The following NALF2 variants were observed in gnomAD, a reference collection of about 807,000 sequenced individuals.
NALF2 encodes the protein NALCN channel auxiliary factor 2.
In NALF2, 1 loss-of-function variant was observed where a neutral mutation model predicts 24.8. That is an observed-to-expected ratio of 0.04 (90% confidence interval 0.01 to 0.19). The LOEUF (loss-of-function observed/expected upper bound fraction) is 0.19, where lower values mean the gene tolerates loss of function less well. Ranked by LOEUF, NALF2 falls within the 10% of genes least tolerant of loss-of-function variation. The probability of loss-of-function intolerance (pLI) is 1.00; values close to 1 mark genes in which losing one functional copy is unlikely to be tolerated. For missense variants in NALF2, 458 were observed against 409.6 expected (o/e 1.12, Z -1.02); for synonymous variants, 254 against 189.8 (o/e 1.34, Z -2.78).
rs746711309 is a variant in NALF2, at chrX:69,529,693, T to C, written c.1156T>C (p.Phe386Leu). ...GGCCCCCAAAACCCACCAGCAGCAA[T>C]TCCACCACTCCTATTTCCACCACTA... ...SEAPKTHQQQ[F>L]HHSYFHHYHQ... The change falls in exon 3 of 3, where the codon TTC becomes CTC. Residue 386 changes from phenylalanine (F) to leucine (L), a missense_variant. By Grantham distance (22) the Phe-to-Leu change is conservative. Transcript: ENST00000252338. 81 of 1,206,035 alleles carry C rather than the reference T, an allele frequency of 6.7e-5. No individual in the cohort carries two copies. The highest frequency in any genetic ancestry group is 8.7e-5 in the Non-Finnish European group (78 of 892,879).
rs147997913 is a variant in NALF2, at chrX:69,529,115, C to T, written c.984C>T (p.Pro328=). 8.6e-5 allele frequency: 104 copies of T among 1,208,966 alleles called. No homozygotes were observed. Among genetic ancestry groups the T allele is most frequent in the Admixed American group, 7.7e-4 (35 of 45,751 alleles). ...AGACCCGGTGCCCCTTTATACTCCC[C>T]GACAATGAGGAAATGGTGTACGGAG... ...EVQTRCPFIL[P]DNEEMVYGGL... The change falls in exon 2 of 3, where the codon CCC becomes CCT. Residue 328 remains proline, a synonymous_variant. Coordinates refer to ENST00000252338, the MANE Select transcript of NALF2 (RefSeq NM_015686.3).
At chrX:69,526,439 T>G (rs1468585930) in intron 1 of NALF2, among the ~76,000 whole-genome samples, 1 of 112,033 alleles carries the variant, frequency 8.9e-6, no homozygotes, top group African/African-American at 3.2e-5. Flanking sequence ...CCCATGAAAC[T>G]GGAATTTTCA....
chrX:69,505,320 C>G lies in NALF2; in HGVS notation c.38C>G (p.Ala13Gly). 1 of 1,157,539 alleles carries G rather than the reference C, an allele frequency of 8.6e-7. No individual in the cohort carries two copies. Among genetic ancestry groups the G allele is most frequent in the East Asian group, 3.3e-5 (1 of 29,908 alleles). ...RGAWMWPGKDAAALTICCCCC... is the reference protein window; with the variant it reads ...RGAWMWPGKDGAALTICCCCC... ...GCTTGGATGTGGCCCGGGAAAGACG[C>G]CGCCGCGCTGACTATCTGCTGCTGC... Residue 13 changes from alanine to glycine, a missense_variant, in exon 1 of 3, where the codon GCC becomes GGC. Physicochemically the swap from Ala to Gly is moderately conservative, Grantham distance 60. Transcript: ENST00000252338.
At chrX:69,507,401 G>C (rs1369796077) in intron 1 of NALF2, among the ~76,000 whole-genome samples, 1 of 111,093 alleles carries the variant, frequency 9.0e-6, no homozygotes, top group African/African-American at 3.3e-5. Context: ...TCCTGCTCTC[G>C]TAACCTAGCA....
At position 69,505,174 on chromosome X, in the gene NALF2, A is replaced by C; in HGVS notation, c.-109A>C. On this transcript the variant is annotated 5_prime_UTR_variant, in exon 1 of 3. An upstream open reading frame in the 5' UTR loses its in-frame stop. Coordinates refer to ENST00000252338, the MANE Select transcript of NALF2 (RefSeq NM_015686.3). The stretch of plus-strand genomic sequence containing the variant: ...TGCCTCACCATGCAGCCCCCGAGGT[A>C]GAGCCTGGACGGCGCCGAGGAGCGC... The C allele has an allele frequency of 3.8e-6, 3 of 780,903 alleles. No individual in the cohort carries two copies. The highest frequency in any genetic ancestry group is 3.3e-5 in the South Asian group (1 of 30,317). 64.4% of individuals were successfully genotyped at this position (780,903 alleles called of 1,213,427 possible).
In NALF2 at chrX:69,505,941, G is replaced by T. The variant is rs749585287; in HGVS notation, c.659G>T (p.Ser220Ile). Residue 220 changes from serine to isoleucine, a missense_variant, in exon 1 of 3, where the codon AGC becomes ATC. Coordinates refer to ENST00000252338, the MANE Select transcript of NALF2 (RefSeq NM_015686.3). ...GACCGCCCCGACAGCCTGGACTGTA[G>T]CCTGGACACCCTGATGGGGGACCTG... ...GMDRPDSLDC[S>I]LDTLMGDLLA... 8.3e-7 allele frequency: 1 copy of T among 1,210,253 alleles called. No individual in the cohort carries two copies. Among genetic ancestry groups the T allele is most frequent in the Non-Finnish European group, 1.1e-6 (1 of 895,241 alleles).
chrX:69,506,285 C>T, intron 1 of NALF2, 142 bp downstream of exon 1: 1 of 623,552 alleles, frequency 1.6e-6, no homozygotes, highest in Non-Finnish European at 2.4e-6. Context: ...CAGTGCCACC[C>T]TGGGACCTTC....
In NALF2 at chrX:69,529,210, G is replaced by A; in HGVS notation, c.1033+46G>A. The A allele has an allele frequency of 4.3e-6, 5 of 1,160,694 alleles. No homozygotes were observed. In the East Asian group the frequency reaches 1.5e-4, roughly 35 times the overall value. On this transcript the variant is annotated intron_variant, in intron 2 of 2. Transcript: ENST00000252338. ...AAGAGGGAGGAGGCCGGGGGCCCAG[G>A]GCAGGCATCAGGTCAGAGGAGTTGG...
At chrX:69,520,887 C>CA (rs1180001797) in intron 1 of NALF2, among the ~76,000 whole-genome samples, 3 of 111,423 alleles carry the variant, frequency 2.7e-5, no homozygotes, top group African/African-American at 9.8e-5. Flanking sequence ...TCGGGGCCCT[C>CA]ACAACCTCTC....
chrX:69,516,172 G>A (rs1401532986), intron 1 of NALF2, among the ~76,000 whole-genome samples: 1 of 111,776 alleles, frequency 8.9e-6, no homozygotes, highest in Non-Finnish European at 1.9e-5. Context: ...AACTTGCCTG[G>A]GGTTTTATAA....
intron 1 of NALF2, among the ~76,000 whole-genome samples, chrX:69,527,381 G>C (rs1930823733): frequency 8.9e-6 from 1 of 112,223 alleles, no homozygotes; most frequent in African/African-American, 3.2e-5. Flanking sequence ...CCCTGCTTTG[G>C]AAAAGGCCAG....
chrX:69,506,136 G>T lies in NALF2; in HGVS notation c.854G>T (p.Gly285Val), dbSNP rs778287620. 8.3e-6 allele frequency: 10 copies of T among 1,203,616 alleles called. No homozygotes were observed. The highest frequency in any genetic ancestry group is 1.1e-5 in the Non-Finnish European group (10 of 891,856). The stretch of plus-strand genomic sequence containing the variant: ...TACTCAATCCGGTCCTGCACGAAAG[G>T]CTGTAAGGTAAGGACTGGCTTCCGC... ...EEYSIRSCTK[G>V]CKAVYKAWLC... The change falls in exon 1 of 3, where the codon GGC becomes GTC. Residue 285 changes from glycine to valine, a missense_variant. Gly to Val is a moderately radical substitution (Grantham distance 109). Coordinates refer to ENST00000252338, the MANE Select transcript of NALF2 (RefSeq NM_015686.3).
At chrX:69,519,652 A>G (rs916678171) in intron 1 of NALF2, among the ~76,000 whole-genome samples, 9 of 112,069 alleles carry the variant, frequency 8.0e-5, no homozygotes, top group Non-Finnish European at 7.5e-5. Flanking sequence ...GATAAATCCT[A>G]TCCGGGGATT....
chrX:69,528,659 T>C (rs1300089490), intron 1 of NALF2, among the ~76,000 whole-genome samples: 2 of 112,279 alleles, frequency 1.8e-5, no homozygotes, highest in African/African-American at 6.5e-5. Context: ...GATACTTCCT[T>C]GGACCAAGTG....
intron 1 of NALF2, among the ~76,000 whole-genome samples, chrX:69,511,448 C>T (rs772793153): frequency 2.3e-4 from 26 of 111,825 alleles, no homozygotes; most frequent in Non-Finnish European, 4.5e-4. Context: ...CTCTCTTTCT[C>T]CCACTTCCCT....
chrX:69,507,258 C>T (rs1464997984), intron 1 of NALF2, among the ~76,000 whole-genome samples: 2 of 111,848 alleles, frequency 1.8e-5, no homozygotes, highest in African/African-American at 3.3e-5. Flanking sequence ...GTGCCATTTT[C>T]CATCCAGCAT....
At chrX:69,511,625 G>T (rs368386764) in intron 1 of NALF2, among the ~76,000 whole-genome samples, 1 of 111,690 alleles carries the variant, frequency 9.0e-6, no homozygotes, top group Non-Finnish European at 1.9e-5. Context: ...CTCCAGGAAG[G>T]ATACACTGGT....
chrX:69,529,923 T>C lies in NALF2; in HGVS notation c.1386T>C (p.Pro462=), dbSNP rs201270642. 12 of 1,206,148 alleles carry C rather than the reference T, an allele frequency of 9.9e-6. No homozygotes were observed. Among genetic ancestry groups the C allele is most frequent in the Non-Finnish European group, 1.3e-5 (12 of 893,550 alleles). Reference sequence around the variant, plus strand: ...GGGGATTGGGGCTGGAGACACTGCCTGCCCTAGAGGAGGGCCTGACACGGG... The same window carrying C: ...GGGGATTGGGGCTGGAGACACTGCCCGCCCTAGAGGAGGGCCTGACACGGG... ...GGGGLGLETL[P]ALEEGLTREE Residue 462 remains proline, a synonymous_variant, in exon 3 of 3, where the codon CCT becomes CCC. Transcript: ENST00000252338.
At chrX:69,510,339 G>A (rs1930563778) in intron 1 of NALF2, among the ~76,000 whole-genome samples, 1 of 112,061 alleles carries the variant, frequency 8.9e-6, no homozygotes, top group Non-Finnish European at 1.9e-5. Context: ...GTACCCGCTG[G>A]GGCCCTGCTC....
Sources: gnomAD v4.1 joint callset for allele counts (sites outside exome capture counted in the v4.1 genomes callset) on GRCh38, gnomAD v4.1.1 for gene constraint, MANE v1.5 for transcripts, NCBI Gene and HGNC (gene_info 2026-07-23, HGNC 2026-07-21) for gene names.